SOX6: variants seen among roughly 807,000 people sequenced by gnomAD.
SOX6 encodes the protein SRY-box transcription factor 6, also known as transcription factor SOX-6.
A neutral mutation model predicts 97.8 loss-of-function variants in SOX6; 11 were observed. The observed-to-expected ratio is 0.11, with a 90% CI of 0.07 to 0.19. The LOEUF (loss-of-function observed/expected upper bound fraction) is 0.19. SOX6 is among the 10% of genes least tolerant of loss of function. SOX6 has a pLI of 1.00. For missense variants in SOX6, 810 were observed against 1,039.5 expected, an observed-to-expected ratio of 0.78 and a Z score of 3.04; for synonymous variants, 360 against 371.4, an observed-to-expected ratio of 0.97 and a Z score of 0.35.
At chr11:16,717,068 C>A (rs554087496) in intron 2 of SOX6, among the ~76,000 whole-genome samples, 1 of 152,048 alleles carries the variant, frequency 6.6e-6, no homozygotes, top group Non-Finnish European at 1.5e-5. Context: ...AAATATAAAT[C>A]AAAAAATAAA....
chr11:16,372,217 T>C (rs1857510251), intron 1 of SOX6, among the ~76,000 whole-genome samples: 1 of 152,050 alleles, frequency 6.6e-6, no homozygotes, highest in Non-Finnish European at 1.5e-5. Flanking sequence ...GAAAGCCAGG[T>C]AACTCAAGAT....
chr11:16,380,546 G>A (rs1008444960), intron 1 of SOX6, among the ~76,000 whole-genome samples: 5 of 151,614 alleles, frequency 3.3e-5, no homozygotes, highest in Non-Finnish European at 5.9e-5. Context: ...CCATAATTAT[G>A]GCTAAATGCA....
At chr11:16,583,280 G>A (rs987495935) in intron 4 of SOX6, among the ~76,000 whole-genome samples, 4 of 151,860 alleles carry the variant, frequency 2.6e-5, no homozygotes, top group African/African-American at 7.2e-5. Flanking sequence ...TTTACCATTT[G>A]TTTTGGGAAC....
chr11:16,602,500 T>G (rs1341912399), intron 4 of SOX6, among the ~76,000 whole-genome samples: 1 of 152,180 alleles, frequency 6.6e-6, no homozygotes, highest in Non-Finnish European at 1.5e-5. Context: ...TTTTCAAAAC[T>G]GTAGAAGGAA....
chr11:16,181,989 C>T (rs2134099351), intron 6 of SOX6, among the ~76,000 whole-genome samples: 1 of 151,884 alleles, frequency 6.6e-6, no homozygotes, highest in East Asian at 1.9e-4. Context: ...TTACTCCTAT[C>T]TTTTCAAATT....
intron 1 of SOX6, among the ~76,000 whole-genome samples, chr11:16,439,772 G>A (rs1456077282): frequency 6.6e-6 from 1 of 152,200 alleles, no homozygotes; most frequent in African/African-American, 2.4e-5. Context: ...ACAGTATACA[G>A]TTGTCTTTCC....
At chr11:16,657,717 T>C (rs1228296650) in intron 3 of SOX6, among the ~76,000 whole-genome samples, 1 of 152,220 alleles carries the variant, frequency 6.6e-6, no homozygotes, top group Non-Finnish European at 1.5e-5. Context: ...GGTTTTAATT[T>C]GCACTCCCTA....
intron 9 of SOX6, among the ~76,000 whole-genome samples, chr11:16,064,434 G>C (rs545262745): frequency 1.4e-5 from 2 of 144,968 alleles, no homozygotes; most frequent in South Asian, 4.2e-4. Context: ...CGGAAAGAAA[G>C]AAATAAAAAT....
At chr11:16,718,252 TA>T (rs112174259) in intron 2 of SOX6, among the ~76,000 whole-genome samples, 3,674 of 143,182 alleles carry the variant, frequency 0.026, 141 homozygotes, top group African/African-American at 0.085. Context: ...AACAACAATT[TA>T]AAAAAAAAAA....
At chr11:16,068,024 C>T (rs1345107661) in intron 9 of SOX6, among the ~76,000 whole-genome samples, 1 of 152,116 alleles carries the variant, frequency 6.6e-6, no homozygotes, top group East Asian at 1.9e-4. Context: ...GCCAAGTTAC[C>T]CTGTAACAGA....
intron 15 of SOX6, among the ~76,000 whole-genome samples, chr11:15,977,744 G>T (rs533473345): frequency 6.6e-6 from 1 of 152,130 alleles, no homozygotes; most frequent in South Asian, 2.1e-4. Context: ...GGCCTCTGGT[G>T]CTGTTCAGCC....
At chr11:16,705,711 G>A (rs1463096561) in intron 3 of SOX6, among the ~76,000 whole-genome samples, 1 of 152,112 alleles carries the variant, frequency 6.6e-6, no homozygotes, top group East Asian at 1.9e-4. Context: ...GGCAAGAATG[G>A]AGCTTATATA....
chr11:16,351,725 A>T (rs1375594207), intron 1 of SOX6, among the ~76,000 whole-genome samples: 1 of 152,074 alleles, frequency 6.6e-6, no homozygotes, highest in South Asian at 2.1e-4. Context: ...AACTGAGACT[A>T]TTCCAGTTAA....
chr11:16,549,597 T>A (rs1847659371), intron 4 of SOX6, among the ~76,000 whole-genome samples: 2 of 152,002 alleles, frequency 1.3e-5, no homozygotes, highest in Non-Finnish European at 2.9e-5. Flanking sequence ...AATGCCTAGG[T>A]TTTTACCCAA....
chr11:16,120,580 A>G (rs892928693), intron 6 of SOX6, among the ~76,000 whole-genome samples: 3 of 150,414 alleles, frequency 2.0e-5, no homozygotes, highest in African/African-American at 7.3e-5. Flanking sequence ...ATATATATAT[A>G]TACACACACT....
chr11:16,690,397 A>C (rs908025951), intron 3 of SOX6, among the ~76,000 whole-genome samples: 4 of 152,200 alleles, frequency 2.6e-5, no homozygotes, highest in African/African-American at 9.7e-5. Flanking sequence ...TCGGTTTTAT[A>C]GAACCCATTT....
chr11:16,556,929 A>C (rs1397190845), intron 4 of SOX6, among the ~76,000 whole-genome samples: 1 of 151,730 alleles, frequency 6.6e-6, no homozygotes, highest in Non-Finnish European at 1.5e-5. Context: ...TTTATAATCC[A>C]CCTTTTCTTT....
chr11:16,159,785 C>A (rs1357940803), intron 6 of SOX6, among the ~76,000 whole-genome samples: 2 of 152,126 alleles, frequency 1.3e-5, no homozygotes, highest in Non-Finnish European at 2.9e-5. Context: ...TTTGATAAGT[C>A]TGTTTCTACC....
At chr11:16,449,224 A>G (rs1309387862) in intron 1 of SOX6, among the ~76,000 whole-genome samples, 2 of 141,766 alleles carry the variant, frequency 1.4e-5, no homozygotes, top group Non-Finnish European at 3.0e-5. Flanking sequence ...GAGCAGAAGT[A>G]TTGGGTTTCT....
Sources: gnomAD v4.1 joint callset for allele counts (sites outside exome capture counted in the v4.1 genomes callset) on GRCh38, gnomAD v4.1.1 for gene constraint, MANE v1.5 for transcripts, NCBI Gene and HGNC (gene_info 2026-07-23, HGNC 2026-07-21) for gene names.